Variants in LRRC37A2 observed in about 807,000 individuals in gnomAD.
LRRC37A2 encodes leucine rich repeat containing 37 member A2.
A neutral mutation model predicts 68.8 loss-of-function variants in LRRC37A2; 9 were observed. The observed-to-expected ratio is 0.13, with a 90% confidence interval of 0.08 to 0.23. The LOEUF is 0.23. Ranked by LOEUF, LRRC37A2 falls within the 10% of genes least tolerant of loss-of-function variation. The probability of loss-of-function intolerance (pLI) is 1.00; values close to 1 mark genes in which losing one functional copy is unlikely to be tolerated. For synonymous variants in LRRC37A2, 63 were observed against 367.6 expected (o/e 0.17, Z 9.48); for missense variants, 168 against 950.4 (o/e 0.18, Z 10.82).
At chr17:46,883,772 T>G in the LRRC37A2 span, among the ~76,000 whole-genome samples, 1 of 152,142 alleles carries the variant, frequency 6.6e-6, no homozygotes, top group Non-Finnish European at 1.5e-5. Context: ...GGTGGCATCT[T>G]CCAGTCCTGC....
chr17:46,923,282 T>C, the LRRC37A2 span: 3 of 1,549,804 alleles, frequency 1.9e-6, no homozygotes, highest in Admixed American at 5.9e-5. Flanking sequence ...GAGCCTGGCT[T>C]CTGGGGCTGA....
At chr17:46,529,150 G>A (rs1268453901) in intron 6 of LRRC37A2, among the ~76,000 whole-genome samples, 2 of 136,512 alleles carry the variant, frequency 1.5e-5, no homozygotes, top group Non-Finnish European at 3.2e-5. Context: ...TTAATAGAAA[G>A]GAAACATAGC....
At chr17:46,489,318 A>G in the LRRC37A2 span, among the ~76,000 whole-genome samples, 1 of 92,620 alleles carries the variant, frequency 1.1e-5, no homozygotes, top group African/African-American at 4.1e-5. Flanking sequence ...TTGTATTTTT[A>G]GTAGAGACGG....
the LRRC37A2 span, chr17:46,923,419 C>T: frequency 1.4e-6 from 2 of 1,436,602 alleles, no homozygotes; most frequent in African/African-American, 2.9e-5. Context: ...CAGGCTGGGG[C>T]CTGGAGACGT....
At chr17:46,753,933 TA>T in the LRRC37A2 span, among the ~76,000 whole-genome samples, 1 of 152,214 alleles carries the variant, frequency 6.6e-6, no homozygotes, top group Non-Finnish European at 1.5e-5. Flanking sequence ...CACTACATGC[TA>T]TTCTGTTAAA....
the LRRC37A2 span, among the ~76,000 whole-genome samples, chr17:46,947,942 G>A: frequency 7.2e-5 from 11 of 152,178 alleles, no homozygotes; most frequent in Non-Finnish European, 1.5e-4. Flanking sequence ...CTAATTTTTC[G>A]TGTTTTTACT....
chr17:46,749,730 G>T, the LRRC37A2 span: 1 of 1,563,676 alleles, frequency 6.4e-7, no homozygotes, highest in Non-Finnish European at 8.7e-7. Flanking sequence ...TTCCTAATTA[G>T]TCTTATTATG....
the LRRC37A2 span, among the ~76,000 whole-genome samples, chr17:46,392,431 C>CTTTCTTTCTT: frequency 3.7e-4 from 11 of 29,670 alleles, 3 homozygotes; most frequent in East Asian, 5.1e-4. Context: ...CTTTCTTTCT[C>CTTTCTTTCTT]TCTTTCTTTC....
chr17:46,541,377 G>A (rs1229882039), intron 8 of LRRC37A2, among the ~76,000 whole-genome samples: 4 of 148,332 alleles, frequency 2.7e-5, no homozygotes, highest in Admixed American at 1.3e-4. Flanking sequence ...TCAGCCTTCC[G>A]AGTAGCTGGG....
the LRRC37A2 span, among the ~76,000 whole-genome samples, chr17:46,836,095 C>CGTGT: frequency 0.045 from 5,695 of 126,430 alleles, 167 homozygotes; most frequent in Non-Finnish European, 0.045. Flanking sequence ...GAGACGCTGA[C>CGTGT]GTGTGTGTGT....
At chr17:46,675,535 T>C in the LRRC37A2 span, among the ~76,000 whole-genome samples, 1 of 102,120 alleles carries the variant, frequency 9.8e-6, no homozygotes, top group South Asian at 3.3e-4. Context: ...TCTGAAATTG[T>C]AGATTTATCC....
At chr17:46,951,522 G>T in the LRRC37A2 span, among the ~76,000 whole-genome samples, 6 of 152,274 alleles carry the variant, frequency 3.9e-5, no homozygotes, top group South Asian at 8.3e-4. Context: ...TTTAACTGGC[G>T]TAGCCCTTGA....
At chr17:46,998,900 A>G in the LRRC37A2 span, 1 of 149,908 alleles carries the variant, frequency 6.7e-6, no homozygotes, top group Admixed American at 6.7e-5. Context: ...GCCCACCTGC[A>G]CTTCAGATAC....
chr17:46,919,967 GAAAA>G, the LRRC37A2 span, among the ~76,000 whole-genome samples: 5 of 151,112 alleles, frequency 3.3e-5, no homozygotes, highest in African/African-American at 4.9e-5. Flanking sequence ...AAGAAAGAAA[GAAAA>G]AAAAATTCCT....
chr17:46,838,592 A>G, the LRRC37A2 span, among the ~76,000 whole-genome samples: 1 of 152,124 alleles, frequency 6.6e-6, no homozygotes, highest in African/African-American at 2.4e-5. Flanking sequence ...GCGCCACTGC[A>G]CTCCAGCCTG....
At chr17:46,808,975 G>A in the LRRC37A2 span, among the ~76,000 whole-genome samples, 18 of 152,256 alleles carry the variant, frequency 1.2e-4, no homozygotes, top group Admixed American at 9.8e-4. Context: ...AGTGGGGTCC[G>A]AGCTGAGCAG....
At chr17:46,492,702 T>TG in the LRRC37A2 span, among the ~76,000 whole-genome samples, 1 of 143,858 alleles carries the variant, frequency 7.0e-6, no homozygotes, top group African/African-American at 2.8e-5. Flanking sequence ...TTTTTTTTTT[T>TG]TTTTTTTTTG....
chr17:46,837,139 C>T, the LRRC37A2 span, among the ~76,000 whole-genome samples: 1 of 152,114 alleles, frequency 6.6e-6, no homozygotes, highest in Non-Finnish European at 1.5e-5. Flanking sequence ...GATGGGGTTT[C>T]ACCATGTTGG....
the LRRC37A2 span, among the ~76,000 whole-genome samples, chr17:46,798,773 GGC>G: frequency 1.3e-5 from 2 of 152,166 alleles, no homozygotes; most frequent in Admixed American, 1.3e-4. Flanking sequence ...TGATAGGCTG[GGC>G]GCAGTGGCTC....
Sources: allele counts gnomAD v4.1 joint callset (sites outside exome capture counted in the v4.1 genomes callset), GRCh38; gene constraint gnomAD v4.1.1; transcripts MANE v1.5; gene names NCBI Gene and HGNC (gene_info 2026-07-23, HGNC 2026-07-21).